The following XIRP2 variants were observed in gnomAD, a reference collection of about 807,000 sequenced individuals.
XIRP2 encodes xin actin binding repeat containing 2.
XIRP2 carries 236 observed loss-of-function variants against 277.0 expected under a neutral mutation model. That is an observed-to-expected ratio of 0.85 (90% CI 0.77 to 0.95). XIRP2 has a LOEUF of 0.95. Among genes scored for constraint, XIRP2 ranks in the 40% least tolerant of loss-of-function variants. XIRP2 has a pLI of 0.00. For missense variants in XIRP2, 4,640 were observed against 4,157.5 expected (o/e 1.12, Z -3.19); for synonymous variants, 1,490 against 1,416.5 (o/e 1.05, Z -1.17).
intron 1 of XIRP2, among the ~76,000 whole-genome samples, chr2:166,902,883 C>T (rs1684417816): frequency 6.6e-6 from 1 of 152,052 alleles, no homozygotes; most frequent in African/African-American, 2.4e-5. Context: ...TAGCAACTAA[C>T]TCTTTGTGAT....
chr2:166,970,638 G>A (rs1275571105), intron 2 of XIRP2, among the ~76,000 whole-genome samples: 3 of 151,556 alleles, frequency 2.0e-5, no homozygotes, highest in Non-Finnish European at 4.4e-5. Flanking sequence ...TGAATCGATA[G>A]GTACCTTGAG....
Position 167,218,251 on chromosome 2 carries a change from G to A in XIRP2, c.809G>A (p.Arg270His), listed in dbSNP as rs139161535. Residue 270 changes from arginine (R) to histidine (H), a missense_variant, in exon 5 of 11, where the codon CGT becomes CAT. Physicochemically the swap from Arg to His is conservative, Grantham distance 29. Coordinates refer to ENST00000409195, the MANE Select transcript of XIRP2 (RefSeq NM_152381.6). ...KQFEDEITSSRNTFAQYQYQH... is the reference protein window; with the variant it reads ...KQFEDEITSSHNTFAQYQYQH... The stretch of plus-strand genomic sequence containing the variant: ...TTTGAGGACGAAATTACTTCTTCCC[G>A]TAATACCTTTGCTCAATACCAATAT... The A allele has an allele frequency of 5.7e-4, 920 of 1,608,092 alleles. 3 individuals carry two copies. Among genetic ancestry groups the A allele is most frequent in the African/African-American group, 9.9e-4 (74 of 74,816 alleles).
rs990828030 is a variant in XIRP2, at chr2:167,239,952, A to G, written c.956A>G (p.His319Arg). The change falls in exon 6 of 11, where the codon CAT becomes CGT. Residue 319 changes from histidine (H) to arginine (R), a missense_variant. Coordinates refer to ENST00000409195, the MANE Select transcript of XIRP2 (RefSeq NM_152381.6). ...EGSKVQKIDV[H>R]GTEMVSHLEK... Reference sequence around the variant, plus strand: ...TCCAAAGTACAGAAAATTGATGTTCATGGAACAGAAATGGTAACTATTTAG... The same window carrying G: ...TCCAAAGTACAGAAAATTGATGTTCGTGGAACAGAAATGGTAACTATTTAG... The G allele has an allele frequency of 1.8e-5, 29 of 1,599,170 alleles. No individual in the cohort carries two copies. Among genetic ancestry groups the G allele is most frequent in the Non-Finnish European group, 1.0e-5 (12 of 1,176,246 alleles).
intron 3 of XIRP2, among the ~76,000 whole-genome samples, chr2:167,166,100 T>A (rs954005919): frequency 6.6e-6 from 1 of 152,240 alleles, no homozygotes; most frequent in Non-Finnish European, 1.5e-5. Context: ...CTCCATTGTA[T>A]TGCCTATGCT....
At chr2:166,972,620 ATAG>A (rs1369656545) in intron 2 of XIRP2, among the ~76,000 whole-genome samples, 2 of 152,186 alleles carry the variant, frequency 1.3e-5, no homozygotes, top group African/African-American at 4.8e-5. Context: ...ACAAACACAG[ATAG>A]TAGTAAAATG....
intron 3 of XIRP2, among the ~76,000 whole-genome samples, chr2:167,202,226 T>C (rs1477684248): frequency 2.0e-5 from 3 of 152,214 alleles, no homozygotes; most frequent in Non-Finnish European, 4.4e-5. Flanking sequence ...TATTCAATTA[T>C]TGATTTTTTT....
intron 2 of XIRP2, among the ~76,000 whole-genome samples, chr2:167,135,223 T>G (rs540478278): frequency 6.6e-5 from 10 of 152,252 alleles, no homozygotes; most frequent in Admixed American, 3.3e-4. Flanking sequence ...CTGGTTTGTT[T>G]TATTTGATTA....
chr2:167,170,194 T>C (rs544312891), intron 3 of XIRP2, among the ~76,000 whole-genome samples: 1 of 152,298 alleles, frequency 6.6e-6, no homozygotes, highest in Non-Finnish European at 1.5e-5. Context: ...ATTATATTGC[T>C]ATATTTAAGT....
intron 3 of XIRP2, among the ~76,000 whole-genome samples, chr2:167,181,755 C>T (rs746176784): frequency 2.6e-4 from 40 of 152,040 alleles, no homozygotes; most frequent in Non-Finnish European, 1.8e-4. Context: ...TAAACACTGA[C>T]GTAACTAGTA....
At chr2:166,995,162 G>A (rs1223871055) in intron 2 of XIRP2, among the ~76,000 whole-genome samples, 1 of 152,160 alleles carries the variant, frequency 6.6e-6, no homozygotes, top group Admixed American at 6.5e-5. Context: ...TTACACGTGT[G>A]AGCAGCCACG....
At chr2:167,217,465 A>G (rs1694290150) in intron 4 of XIRP2, among the ~76,000 whole-genome samples, 1 of 152,042 alleles carries the variant, frequency 6.6e-6, no homozygotes, top group African/African-American at 2.4e-5. Context: ...GAGGACAGTA[A>G]TGAAGACAGA....
chr2:167,011,284 G>T (rs1230809474), intron 2 of XIRP2, among the ~76,000 whole-genome samples: 1 of 151,482 alleles, frequency 6.6e-6, no homozygotes, highest in African/African-American at 2.4e-5. Flanking sequence ...AGCATGAAGG[G>T]TTGTTGAATT....
Position 167,258,664 on chromosome 2 carries a change from GAATAAT to G in XIRP2, c.*853_*858del. On this transcript the variant is annotated 3_prime_UTR_variant, in exon 11 of 11. Coordinates refer to ENST00000409195, the MANE Select transcript of XIRP2 (RefSeq NM_152381.6). Reference sequence around the variant, plus strand: ...AAAATCATAAAGAAAATTTGAATAAGAATAATAATAACAATTATGTAGCAGTCTCAT... The same window carrying G: ...AAAATCATAAAGAAAATTTGAATAAGAATAACAATTATGTAGCAGTCTCAT... 1 of 1,611,374 alleles carries G rather than the reference GAATAAT, an allele frequency of 6.2e-7. No individual in the cohort carries two copies. Among genetic ancestry groups the G allele is most frequent in the East Asian group, 2.2e-5 (1 of 44,748 alleles).
intron 2 of XIRP2, among the ~76,000 whole-genome samples, chr2:167,046,395 G>A (rs1187591000): frequency 6.6e-6 from 1 of 151,778 alleles, no homozygotes. Context: ...CCTAAGGTGT[G>A]GAGAATTTTT....
chr2:167,218,245 C>T lies in XIRP2; in HGVS notation c.803C>T (p.Ser268Phe). ...AAACAATTTGAGGACGAAATTACTT[C>T]TTCCCGTAATACCTTTGCTCAATAC... ...VKKQFEDEIT[S>F]SRNTFAQYQY... is the part of the protein sequence containing the mutation. Residue 268 changes from serine (S) to phenylalanine (F), a missense_variant, in exon 5 of 11, where the codon TCT becomes TTT. By Grantham distance (155) the Ser-to-Phe change is radical (BLOSUM62 -2). Coordinates refer to ENST00000409195, the MANE Select transcript of XIRP2 (RefSeq NM_152381.6). 1 of 1,608,948 alleles carries T rather than the reference C, an allele frequency of 6.2e-7. No individual in the cohort carries two copies. The highest frequency in any genetic ancestry group is 1.3e-5 in the African/African-American group (1 of 74,850).
chr2:167,118,852 A>G (rs1171715236), intron 2 of XIRP2, among the ~76,000 whole-genome samples: 1 of 152,222 alleles, frequency 6.6e-6, no homozygotes, highest in Non-Finnish European at 1.5e-5. Flanking sequence ...CAAATTATGT[A>G]TCCATACTGA....
chr2:166,966,026 A>T (rs898437630), intron 2 of XIRP2, among the ~76,000 whole-genome samples: 1 of 151,866 alleles, frequency 6.6e-6, no homozygotes, highest in Non-Finnish European at 1.5e-5. Context: ...AATTGTGTTT[A>T]TCTATTAATA....
chr2:167,078,725 T>C (rs758613471), intron 2 of XIRP2, among the ~76,000 whole-genome samples: 14 of 151,606 alleles, frequency 9.2e-5, no homozygotes, highest in Non-Finnish European at 2.9e-5. Flanking sequence ...CAGTCCCAGC[T>C]ACTTGGGAGG....
intron 2 of XIRP2, among the ~76,000 whole-genome samples, chr2:167,129,208 C>T (rs540342445): frequency 1.3e-5 from 2 of 152,156 alleles, no homozygotes; most frequent in South Asian, 4.1e-4. Context: ...CTGTGTAAAA[C>T]TTCTTTATGC....
Sources: allele counts gnomAD v4.1 joint callset (sites outside exome capture counted in the v4.1 genomes callset), GRCh38; gene constraint gnomAD v4.1.1; transcripts MANE v1.5; gene names NCBI Gene and HGNC (gene_info 2026-07-23, HGNC 2026-07-21).